POU1F1: variants seen among roughly 807,000 people sequenced by gnomAD.
The protein encoded by POU1F1 is pituitary-specific positive transcription factor 1.
In POU1F1, 23 loss-of-function variants were observed where a neutral mutation model predicts 32.3. The ratio of observed to expected loss-of-function variants is 0.71; its 90% CI spans 0.51 to 1.01. POU1F1 has a LOEUF of 1.01. Ranked by LOEUF, POU1F1 falls within the 50% of genes least tolerant of loss-of-function variation. POU1F1 has a pLI of 0.00. For synonymous variants in POU1F1, 120 were observed against 115.6 expected, an observed-to-expected ratio of 1.04 and a Z score of -0.25; for missense variants, 323 against 341.6, an observed-to-expected ratio of 0.95 and a Z score of 0.43.
chr3:87,276,293 A>T, intron 1 of POU1F1, 28 bp downstream of exon 1: 1 of 1,609,656 alleles, frequency 6.2e-7, no homozygotes, highest in East Asian at 2.2e-5. Flanking sequence ...AGGCCCGGTC[A>T]TATGTAAACT....
chr3:87,262,217 A>G lies in POU1F1; in HGVS notation c.458T>C (p.Val153Ala). Residue 153 changes from valine to alanine, a missense_variant, in exon 4 of 6, where the codon GTT becomes GCT. Val to Ala is a moderately conservative substitution (Grantham distance 64, BLOSUM62 0). Coordinates refer to ENST00000350375, the MANE Select transcript of POU1F1 (RefSeq NM_000306.4). ...ATGCACAGCTGCCAGGGCCTCCCCA[A>G]CATTTGTCTGGGTGTATCCTGTGAA... ...RIKLGYTQTN[V>A]GEALAAVHGS... 7.4e-6 allele frequency: 12 copies of G among 1,614,108 alleles called. No individual in the cohort carries two copies. The highest frequency in any genetic ancestry group is 1.3e-5 in the African/African-American group (1 of 75,048).
At chr3:87,264,711 C>T (rs1210356408) in intron 2 of POU1F1, among the ~76,000 whole-genome samples, 199 bp from the exon 3 acceptor site, 1 of 152,148 alleles carries the variant, frequency 6.6e-6, no homozygotes, top group African/African-American at 2.4e-5. Flanking sequence ...CTTCTACCTT[C>T]TCCAGAGCAG....
At position 87,267,636 on chromosome 3, in the gene POU1F1, C is replaced by T. The variant is rs1706644472; in HGVS notation, c.215-3124G>A. 2.0e-5 allele frequency among the ~76,000 whole-genome samples: 3 copies of T among 151,868 alleles called. No homozygotes were observed. The Admixed American group carries it at 2.0e-4, about 10-fold the overall frequency. ...TATTCTTTATTTTTAGAGATGGGGT[C>T]ACACTCTGTCTCCTAGACTGGAGTG... On this transcript the variant is annotated intron_variant, in intron 2 of 5. Coordinates refer to ENST00000350375, the MANE Select transcript of POU1F1 (RefSeq NM_000306.4).
chr3:87,271,268 A>G (rs1706716535), intron 2 of POU1F1, among the ~76,000 whole-genome samples: 1 of 152,152 alleles, frequency 6.6e-6, no homozygotes, highest in Non-Finnish European at 1.5e-5. Flanking sequence ...CAATGTGAAC[A>G]TTGGCATATT....
At chr3:87,273,055 G>C (rs192756454) in intron 2 of POU1F1, among the ~76,000 whole-genome samples, 2 of 152,014 alleles carry the variant, frequency 1.3e-5, no homozygotes, top group Non-Finnish European at 2.9e-5. Context: ...CCTACCAATA[G>C]CATCATGTTA....
At chr3:87,260,141 G>A in intron 5 of POU1F1, 37 bp from the exon 6 acceptor site, 1 of 1,567,832 alleles carries the variant, frequency 6.4e-7, no homozygotes, top group Admixed American at 1.8e-5. Flanking sequence ...AAATTTTGTT[G>A]TTTTTAGTGA....
chr3:87,265,792 T>C (rs1706609401), intron 2 of POU1F1, among the ~76,000 whole-genome samples: 2 of 151,976 alleles, frequency 1.3e-5, no homozygotes, highest in South Asian at 4.1e-4. Flanking sequence ...GCCTAGGTTA[T>C]ATGCAAATAC....
chr3:87,262,016 A>G, intron 4 of POU1F1, 55 bp downstream of exon 4: 1 of 1,599,674 alleles, frequency 6.3e-7, no homozygotes, highest in Non-Finnish European at 8.6e-7. Context: ...TACTTATTGA[A>G]GCCATTATTT....
intron 2 of POU1F1, among the ~76,000 whole-genome samples, chr3:87,267,041 A>G (rs1158474164): frequency 6.6e-6 from 1 of 152,146 alleles, no homozygotes; most frequent in East Asian, 1.9e-4. Context: ...CACTTTAGAT[A>G]ACTCATTTAA....
rs747971339 is a variant in POU1F1, at chr3:87,268,084, C to CCTTTTTTTTTTTTTTTTTTTTTTT, written c.215-3573_215-3572insAAAAAAAAAAAAAAAAAAAAAAAG. Among the ~76,000 whole-genome samples, 2 of 116,468 alleles carry CCTTTTTTTTTTTTTTTTTTTTTTT rather than the reference C, an allele frequency of 1.7e-5. 1 individual carries two copies. 76.4% of individuals were successfully genotyped at this position (116,468 alleles called of 152,430 possible). On this transcript the variant is annotated intron_variant, in intron 2 of 5. Transcript: ENST00000350375. ...ACATTTTTTATTTTTTTCCCTTTCC[C>CCTTTTTTTTTTTTTTTTTTTTTTT]TTTTTTTTTTTTTTTTTTTTTGACA...
chr3:87,260,871 T>TA (rs1706498084), intron 5 of POU1F1, among the ~76,000 whole-genome samples: 132 of 4,862 alleles, frequency 0.027, 1 homozygote, highest in Middle Eastern at 0.083. Context: ...TATTATTTTT[T>TA]TTTTATTTAT....
At chr3:87,268,017 A>G (rs1018583970) in intron 2 of POU1F1, among the ~76,000 whole-genome samples, 1 of 151,906 alleles carries the variant, frequency 6.6e-6, no homozygotes, top group Admixed American at 6.6e-5. Context: ...CCATGCTCCA[A>G]GGTTTGGCAT....
intron 2 of POU1F1, among the ~76,000 whole-genome samples, chr3:87,272,277 A>T (rs1054081425): frequency 6.6e-6 from 1 of 152,086 alleles, no homozygotes; most frequent in Non-Finnish European, 1.5e-5. Flanking sequence ...AGTAATAAAG[A>T]TAAAATATCA....
At chr3:87,268,210 C>T (rs1706661094) in intron 2 of POU1F1, among the ~76,000 whole-genome samples, 1 of 150,306 alleles carries the variant, frequency 6.7e-6, no homozygotes, top group Non-Finnish European at 1.5e-5. Flanking sequence ...TCCCTAGTAG[C>T]TGGGACTACA....
intron 2 of POU1F1, among the ~76,000 whole-genome samples, chr3:87,267,156 T>G (rs2106933660): frequency 6.6e-6 from 1 of 152,302 alleles, no homozygotes; most frequent in Admixed American, 6.5e-5. Context: ...TATTTTCAAT[T>G]TCTCTTGCTG....
rs1489834298 is a variant in POU1F1 at position 87,260,120 on chromosome 3, CAT to C, written c.666-18_666-17del. The C allele has an allele frequency of 1.9e-6, 3 of 1,605,608 alleles. No individual in the cohort carries two copies. The highest frequency in any genetic ancestry group is 2.6e-6 in the Non-Finnish European group (3 of 1,174,790). On this transcript the variant is annotated splice_polypyrimidine_tract_variant and intron_variant, in intron 5 of 5. Transcript: ENST00000350375. ...AGCAGCAATGCTGGCGGGGGGTGGA[CAT>C]AGGGGGTGAAATTTTGTTGTTTTTA... is the stretch of plus-strand genomic sequence containing the variant.
intron 5 of POU1F1, among the ~76,000 whole-genome samples, chr3:87,260,872 TTTTATTTA>T (rs1017839437): frequency 0.017 from 166 of 9,488 alleles, 2 homozygotes; most frequent in Middle Eastern, 0.071. Context: ...ATTATTTTTT[TTTTATTTA>T]TTTATTTATT....
At chr3:87,261,470 AGT>A (rs1706514082) in intron 4 of POU1F1, 137 bp from the exon 5 acceptor site, 1 of 681,598 alleles carries the variant, frequency 1.5e-6, no homozygotes, top group Admixed American at 2.9e-5. Context: ...AAATTTTTGC[AGT>A]CTTTTTCTAT....
chr3:87,276,290 G>T, intron 1 of POU1F1, 31 bp downstream of exon 1: 3 of 1,608,448 alleles, frequency 1.9e-6, no homozygotes, highest in Non-Finnish European at 1.7e-6. Context: ...TTTAGGCCCG[G>T]TCATATGTAA....
Sources: gnomAD v4.1 joint callset for allele counts (sites outside exome capture counted in the v4.1 genomes callset) on GRCh38, gnomAD v4.1.1 for gene constraint, MANE v1.5 for transcripts, NCBI Gene and HGNC (gene_info 2026-07-23, HGNC 2026-07-21) for gene names.